Variants in LAMA2 observed in about 807,000 individuals in gnomAD.
The protein encoded by LAMA2 is laminin subunit alpha-2.
Under a neutral mutation model 364.8 loss-of-function variants are expected in LAMA2, and 269 were observed. The ratio of observed to expected loss-of-function variants is 0.74; its 90% CI spans 0.67 to 0.82. LAMA2 has a LOEUF of 0.82. LAMA2 is among the 40% of genes least tolerant of loss of function. The pLI, the probability that LAMA2 is intolerant of heterozygous loss-of-function variation, is 0.00. For missense variants in LAMA2, 3,807 were observed against 3,873.2 expected, an observed-to-expected ratio of 0.98 and a Z score of 0.45; for synonymous variants, 1,379 against 1,370.6, an observed-to-expected ratio of 1.01 and a Z score of -0.14.
chr6:129,358,891 G>T (rs1237908119), intron 32 of LAMA2, among the ~76,000 whole-genome samples: 1 of 151,762 alleles, frequency 6.6e-6, no homozygotes, highest in Non-Finnish European at 1.5e-5. Flanking sequence ...TCTAATTCTA[G>T]GTTCTTCAAG....
rs181256425 is a variant in LAMA2, at chr6:129,459,537, G to C, written c.6868-663G>C. On this transcript the variant is annotated intron_variant, in intron 48 of 64. Coordinates refer to ENST00000421865, the MANE Select transcript of LAMA2 (RefSeq NM_000426.4). Reference sequence around the variant, plus strand: ...TATACAAGCAAACGACACCAATGTGGTCTCATTTCCTACAAAGTTGCTTAC... The same window carrying C: ...TATACAAGCAAACGACACCAATGTGCTCTCATTTCCTACAAAGTTGCTTAC... 2.1e-4 allele frequency among the ~76,000 whole-genome samples: 32 copies of C among 152,170 alleles called. 1 individual carries two copies. Among genetic ancestry groups the C allele is most frequent in the Admixed American group, 1.9e-3 (29 of 15,278 alleles).
intron 32 of LAMA2, among the ~76,000 whole-genome samples, chr6:129,354,451 G>A (rs980466751): frequency 6.6e-6 from 1 of 151,978 alleles, no homozygotes; most frequent in African/African-American, 2.4e-5. Context: ...ATATTTAGTT[G>A]ATAGTATATA....
At chr6:129,156,488 A>G (rs1247934877) in intron 8 of LAMA2, among the ~76,000 whole-genome samples, 2 of 151,648 alleles carry the variant, frequency 1.3e-5, no homozygotes, top group African/African-American at 2.4e-5. Flanking sequence ...AGAATTTTGA[A>G]TATTGACTTT....
At chr6:129,249,485 G>A (rs1228101251) in intron 12 of LAMA2, among the ~76,000 whole-genome samples, 1 of 152,186 alleles carries the variant, frequency 6.6e-6, no homozygotes, top group Non-Finnish European at 1.5e-5. Flanking sequence ...AAAGAAAGAA[G>A]TTTGCTTAAT....
In LAMA2 at chr6:129,315,614, C is replaced by T. The variant is rs201391981; in HGVS notation, c.3694C>T (p.Pro1232Ser). ...GATGAGAGAAGATCTCCATTTGGAA[C>T]CTTTTTATTGGAAACTTCCAGAACA... is the stretch of plus-strand genomic sequence containing the variant. Reference protein sequence around the residue: ...DLMREDLHLEPFYWKLPEQFE... With the variant: ...DLMREDLHLESFYWKLPEQFE... The change falls in exon 25 of 65, where the codon CCT becomes TCT. Residue 1232 changes from proline to serine, a missense_variant. This residue lies in a region of LAMA2 where 3,333 missense variants were observed against 3,345.7 expected (regional missense o/e 1.00). Coordinates refer to ENST00000421865, the MANE Select transcript of LAMA2 (RefSeq NM_000426.4). The T allele has an allele frequency of 6.2e-7, 1 of 1,614,048 alleles. No individual in the cohort carries two copies. Among genetic ancestry groups the T allele is most frequent in the Non-Finnish European group, 8.5e-7 (1 of 1,180,002 alleles).
chr6:129,288,045 G>T lies in LAMA2; in HGVS notation c.2736G>T (p.Ala912=). Residue 912 remains alanine, a synonymous_variant, in exon 19 of 65, where the codon GCG becomes GCT. Transcript: ENST00000421865. The part of the protein sequence containing the change: ...ADGYFGDAVD[A]KNCQPCRCNA... ...GATATTTTGGAGATGCAGTTGATGC[G>T]AAGAACTGTCAGCGTAAGTCCTGAA... The T allele has an allele frequency of 6.2e-7, 1 of 1,613,832 alleles. No individual in the cohort carries two copies. The highest frequency in any genetic ancestry group is 1.1e-5 in the South Asian group (1 of 91,060).
intron 40 of LAMA2, among the ~76,000 whole-genome samples, chr6:129,420,233 TA>T (rs1385770236): frequency 6.6e-6 from 1 of 152,090 alleles, no homozygotes; most frequent in African/African-American, 2.4e-5. Context: ...TTCTCAAAAA[TA>T]TATTTTTAAA....
intron 29 of LAMA2, among the ~76,000 whole-genome samples, chr6:129,339,926 C>A (rs1301927524): frequency 6.6e-6 from 1 of 151,608 alleles, no homozygotes; most frequent in Non-Finnish European, 1.5e-5. Flanking sequence ...TCGCTTGAAC[C>A]TGGGAGGCAG....
chr6:128,916,823 G>A (rs918380071), intron 1 of LAMA2, among the ~76,000 whole-genome samples: 1 of 152,128 alleles, frequency 6.6e-6, no homozygotes, highest in East Asian at 1.9e-4. Flanking sequence ...AAGTCAAATG[G>A]GAAACCTGTT....
intron 58 of LAMA2, among the ~76,000 whole-genome samples, chr6:129,494,787 A>AC (rs1454965987): frequency 6.6e-6 from 1 of 152,214 alleles, no homozygotes; most frequent in Non-Finnish European, 1.5e-5. Flanking sequence ...GCCACAGGTT[A>AC]GATCTTTGCT....
At chr6:129,163,100 AT>A (rs71543157) in intron 8 of LAMA2, among the ~76,000 whole-genome samples, 195 of 151,844 alleles carry the variant, frequency 1.3e-3, no homozygotes, top group Middle Eastern at 3.4e-3. Flanking sequence ...ATTTTAGGCT[AT>A]TTTTTTTATT....
chr6:129,283,794 C>A (rs981396621), intron 18 of LAMA2, among the ~76,000 whole-genome samples: 1 of 151,974 alleles, frequency 6.6e-6, no homozygotes, highest in Admixed American at 6.6e-5. Flanking sequence ...TTACTATGCT[C>A]ATGGGACCTT....
chr6:129,381,072 T>G (rs1451516549), intron 34 of LAMA2, among the ~76,000 whole-genome samples: 1 of 152,226 alleles, frequency 6.6e-6, no homozygotes, highest in Non-Finnish European at 1.5e-5. Flanking sequence ...AATTATGATC[T>G]TTTGGTAATA....
intron 1 of LAMA2, among the ~76,000 whole-genome samples, chr6:128,961,685 C>G (rs1781532419): frequency 6.6e-6 from 1 of 151,818 alleles, no homozygotes. Flanking sequence ...AAGGGTGGGT[C>G]TGCCTTTCCC....
chr6:129,078,095 T>C (rs6904476), intron 3 of LAMA2, among the ~76,000 whole-genome samples: 144,528 of 151,824 alleles, frequency 0.95, 68,873 homozygotes, highest in East Asian at 0.97. Context: ...GGAGGTTATA[T>C]GTTTATGGGG....
At chr6:128,919,335 G>A (rs569597059) in intron 1 of LAMA2, among the ~76,000 whole-genome samples, 94 of 152,226 alleles carry the variant, frequency 6.2e-4, no homozygotes, top group African/African-American at 8.9e-4. Flanking sequence ...TATAACTTAC[G>A]TCAGTCAATC....
intron 1 of LAMA2, among the ~76,000 whole-genome samples, chr6:128,935,297 T>C (rs961941477): frequency 6.7e-6 from 1 of 150,030 alleles, no homozygotes; most frequent in African/African-American, 2.4e-5. Context: ...CTCCCACTTA[T>C]GAGTGAGAAC....
chr6:129,330,627 G>T (rs6909611), intron 29 of LAMA2, among the ~76,000 whole-genome samples: 228 of 116,616 alleles, frequency 2.0e-3, no homozygotes, highest in African/African-American at 7.3e-3. Context: ...CCACTGTGTC[G>T]TTTCTCTCTA....
intron 58 of LAMA2, among the ~76,000 whole-genome samples, chr6:129,497,005 A>ACTT: frequency 6.6e-6 from 1 of 152,314 alleles, no homozygotes. Context: ...TGTTAGTTTA[A>ACTT]CTTTAACTTC....
Sources: gnomAD v4.1 joint callset for allele counts (sites outside exome capture counted in the v4.1 genomes callset) on GRCh38, gnomAD v4.1.1 for gene constraint, gnomAD v4.1.1 regional missense constraint, MANE v1.5 for transcripts, NCBI Gene and HGNC (gene_info 2026-07-23, HGNC 2026-07-21) for gene names.